Variants in KDM4C observed in about 807,000 individuals in gnomAD.
KDM4C encodes the protein lysine demethylase 4C.
In KDM4C, 81 loss-of-function variants were observed where a neutral mutation model predicts 129.3. The observed-to-expected ratio is 0.63, with a 90% CI of 0.52 to 0.75. The LOEUF (loss-of-function observed/expected upper bound fraction) is 0.75, where lower values mean the gene tolerates loss of function less well. KDM4C is among the 30% of genes least tolerant of loss of function. KDM4C has a pLI of 0.00. For missense variants in KDM4C, 1,457 were observed against 1,304.0 expected (o/e 1.12, Z -1.81); for synonymous variants, 573 against 456.1 (o/e 1.26, Z -3.26).
intron 1 of KDM4C, chr9:6,735,142 G>A (rs1817486406): frequency 1.2e-5 from 3 of 247,748 alleles, no homozygotes; most frequent in South Asian, 5.2e-5. Context: ...GGCTACACCT[G>A]TCCCCGCCCC....
intron 4 of KDM4C, among the ~76,000 whole-genome samples, chr9:6,847,632 C>T (rs1401838122): frequency 6.6e-6 from 1 of 152,148 alleles, no homozygotes; most frequent in Non-Finnish European, 1.5e-5. Context: ...CCTCATGATC[C>T]ACCCGCCTCG....
At chr9:7,149,598 C>T (rs2130083545) in intron 19 of KDM4C, among the ~76,000 whole-genome samples, 1 of 152,344 alleles carries the variant, frequency 6.6e-6, no homozygotes. Context: ...AGACAGGCCG[C>T]CGCCACCAGT....
At chr9:7,060,741 A>G (rs1201642588) in intron 17 of KDM4C, among the ~76,000 whole-genome samples, 1 of 152,022 alleles carries the variant, frequency 6.6e-6, no homozygotes, top group Non-Finnish European at 1.5e-5. Context: ...CGGCCTCCCA[A>G]AGTGCTGGGA....
intron 8 of KDM4C, among the ~76,000 whole-genome samples, chr9:6,966,422 T>G (rs531344406): frequency 6.6e-6 from 1 of 152,254 alleles, no homozygotes; most frequent in South Asian, 2.1e-4. Context: ...CGCCCGCCTC[T>G]GCCTCCCAAA....
At chr9:6,771,889 G>A (rs914289990) in intron 1 of KDM4C, among the ~76,000 whole-genome samples, 2 of 152,098 alleles carry the variant, frequency 1.3e-5, no homozygotes, top group Non-Finnish European at 2.9e-5. Flanking sequence ...GGCCCAAGGG[G>A]TTGTGACCTA....
intron 8 of KDM4C, among the ~76,000 whole-genome samples, chr9:6,939,976 A>ACTTTCCTTCCTT (rs1825578062): frequency 3.2e-5 from 3 of 93,480 alleles, no homozygotes; most frequent in Non-Finnish European, 6.7e-5. Context: ...CTACCTACCT[A>ACTTTCCTTCCTT]CCTTCCTTCC....
At chr9:6,814,895 T>C in intron 4 of KDM4C, 150 bp downstream of exon 4, 2 of 441,600 alleles carry the variant, frequency 4.5e-6, no homozygotes, top group Non-Finnish European at 4.0e-6. Context: ...CAGTAGGATT[T>C]CTGCTGCTGG....
At chr9:6,854,789 G>T (rs1189308333) in intron 5 of KDM4C, among the ~76,000 whole-genome samples, 2 of 152,200 alleles carry the variant, frequency 1.3e-5, no homozygotes, top group Non-Finnish European at 1.5e-5. Flanking sequence ...ATACACATTA[G>T]TTCAATGCTT....
At chr9:6,828,909 A>T (rs992093891) in intron 4 of KDM4C, among the ~76,000 whole-genome samples, 2 of 152,220 alleles carry the variant, frequency 1.3e-5, no homozygotes, top group Non-Finnish European at 2.9e-5. Flanking sequence ...ATGTGAGTAG[A>T]ATTGGCCGTT....
chr9:6,928,953 C>T (rs1412060371), intron 8 of KDM4C, among the ~76,000 whole-genome samples: 1 of 152,164 alleles, frequency 6.6e-6, no homozygotes, highest in African/African-American at 2.4e-5. Flanking sequence ...CCAGCACTAC[C>T]CACACCCTTG....
In KDM4C at chr9:6,880,099, T is replaced by C. The variant is rs375429369; in HGVS notation, c.679+38T>C. The C allele has an allele frequency of 1.1e-5, 15 of 1,382,774 alleles. No homozygotes were observed. The African/African-American group carries it at 1.7e-4, about 16-fold the overall frequency. 85.7% of individuals were successfully genotyped at this position (1,382,774 alleles called of 1,614,324 possible). On this transcript the variant is annotated intron_variant, in intron 6 of 21. Transcript: ENST00000381309. ...TTTTAAATTTGTTTTCTGTGTTTTA[T>C]ATGTTTCTGTGTTTTGTAGGTTCTT...
chr9:7,046,765 G>C (rs768627289), intron 15 of KDM4C, 97 bp from the exon 16 acceptor site: 15 of 879,104 alleles, frequency 1.7e-5, no homozygotes, highest in Non-Finnish European at 2.3e-5. Context: ...TTTAATTTTA[G>C]AATGAAAAAT....
chr9:7,116,268 A>G (rs922330328), intron 18 of KDM4C, among the ~76,000 whole-genome samples: 2 of 152,142 alleles, frequency 1.3e-5, no homozygotes, highest in South Asian at 4.1e-4. Flanking sequence ...CTTTCCCCAT[A>G]CATTTCTCAG....
At chr9:6,891,134 TAGGGGATGGGC>T (rs1414708451) in intron 7 of KDM4C, among the ~76,000 whole-genome samples, 1 of 151,216 alleles carries the variant, frequency 6.6e-6, no homozygotes, top group Non-Finnish European at 1.5e-5. Flanking sequence ...GAGGTGGGAG[TAGGGGATGGGC>T]AGGGGATGGT....
At chr9:6,889,481 G>A (rs1451652265) in intron 7 of KDM4C, among the ~76,000 whole-genome samples, 1 of 152,038 alleles carries the variant, frequency 6.6e-6, no homozygotes, top group African/African-American at 2.4e-5. Flanking sequence ...GGTGTAGGGA[G>A]GCACTATGGA....
At chr9:7,091,725 A>G (rs977165544) in intron 17 of KDM4C, among the ~76,000 whole-genome samples, 1 of 152,228 alleles carries the variant, frequency 6.6e-6, no homozygotes, top group Non-Finnish European at 1.5e-5. Context: ...AGCCTTGGCC[A>G]TCACACTTGC....
chr9:6,872,223 T>C (rs1461207932), intron 5 of KDM4C, among the ~76,000 whole-genome samples: 1 of 152,190 alleles, frequency 6.6e-6, no homozygotes, highest in Non-Finnish European at 1.5e-5. Context: ...GTGACAATAG[T>C]CTAGCTGAAG....
At chr9:6,848,516 A>C (rs1838262750) in intron 4 of KDM4C, among the ~76,000 whole-genome samples, 1 of 151,964 alleles carries the variant, frequency 6.6e-6, no homozygotes, top group South Asian at 2.1e-4. Flanking sequence ...CAAAATACGA[A>C]ACATTAGGTG....
In KDM4C at chr9:6,964,985, A is replaced by T. The variant is rs574541999; in HGVS notation, c.922-15940A>T. Among the ~76,000 whole-genome samples the T allele has an allele frequency of 7.2e-5, 11 of 151,936 alleles. No homozygotes were observed. The East Asian group carries it at 2.1e-3, about 29-fold the overall frequency. On this transcript the variant is annotated intron_variant, in intron 8 of 21. Coordinates refer to ENST00000381309, the MANE Select transcript of KDM4C (RefSeq NM_015061.6). ...AAAAAAGCAAAGTGAACGTATGCCT[A>T]GATTTTTCTCCTACATAACCTTTTT...
Sources: allele counts gnomAD v4.1 joint callset (sites outside exome capture counted in the v4.1 genomes callset), GRCh38; gene constraint gnomAD v4.1.1; transcripts MANE v1.5; gene names NCBI Gene and HGNC (gene_info 2026-07-23, HGNC 2026-07-21).